The following LRRC9 variants were observed in gnomAD, a reference collection of about 807,000 sequenced individuals.
LRRC9 encodes leucine-rich repeat-containing protein 9.
LRRC9 carries 122 observed loss-of-function variants against 63.2 expected under a neutral mutation model. That is an observed-to-expected ratio of 1.93 (90% CI 1.67 to 2.24). The LOEUF (loss-of-function observed/expected upper bound fraction) is 2.24. Among genes scored for constraint, LRRC9 ranks in the 30% most tolerant of loss-of-function variants. The pLI is 0.00. For synonymous variants in LRRC9, 366 were observed against 213.1 expected, an observed-to-expected ratio of 1.72 and a Z score of -6.25; for missense variants, 1,071 against 627.7, an observed-to-expected ratio of 1.71 and a Z score of -7.55.
intron 23 of LRRC9, among the ~76,000 whole-genome samples, chr14:60,013,755 A>G (rs1890446991): frequency 6.6e-6 from 1 of 151,948 alleles, no homozygotes; most frequent in Non-Finnish European, 1.5e-5. Flanking sequence ...AATGTTTAGG[A>G]TATCTTTTTC....
At chr14:60,045,542 G>A (rs1451370635) in intron 29 of LRRC9, among the ~76,000 whole-genome samples, 1 of 152,114 alleles carries the variant, frequency 6.6e-6, no homozygotes, top group Admixed American at 6.5e-5. Flanking sequence ...TTCTGTTCCT[G>A]TGTTAGTTTT....
chr14:60,002,577 A>G (rs117094751), intron 20 of LRRC9, among the ~76,000 whole-genome samples: 3,352 of 152,274 alleles, frequency 0.022, 59 homozygotes, highest in South Asian at 0.05. Context: ...TAAATTGTCA[A>G]TTACACTTCA....
intron 12 of LRRC9, among the ~76,000 whole-genome samples, chr14:59,967,777 C>T (rs558515612): frequency 6.6e-6 from 1 of 152,066 alleles, no homozygotes; most frequent in South Asian, 2.1e-4. Context: ...TTTTTCACAT[C>T]ATGACACACA....
chr14:59,991,587 C>T lies in LRRC9; in HGVS notation c.2212-6069C>T, dbSNP rs113511253. On this transcript the variant is annotated intron_variant, in intron 17 of 31. Transcript: ENST00000445360. ...CCTAGTCAAAGAAAGGGGTGACAGA[C>T]GGCACCTGGAAAATCGAGTCACTCC... Among the ~76,000 whole-genome samples, 441 of 152,238 alleles carry T rather than the reference C, an allele frequency of 2.9e-3. 5 individuals carry two copies. Among genetic ancestry groups the T allele is most frequent in the African/African-American group, 9.9e-3 (413 of 41,540 alleles).
At chr14:59,967,121 C>G (rs1884944774) in exon 12 of LRRC9, 1 of 645,292 alleles carries the variant, frequency 1.5e-6, no homozygotes, top group Non-Finnish European at 2.9e-6. Context: ...GCTGGAATGC[C>G]TTTTTTATGT....
exon 5 of LRRC9, chr14:59,931,645 A>C: frequency 1.4e-6 from 1 of 699,416 alleles, no homozygotes; most frequent in Non-Finnish European, 2.6e-6. Flanking sequence ...AGAATTTAAA[A>C]GATCTCAACC....
At position 60,060,883 on chromosome 14, in the gene LRRC9, A is replaced by C. The variant is rs1388277266; in HGVS notation, c.4277-2440A>C. 1.3e-5 allele frequency among the ~76,000 whole-genome samples: 2 copies of C among 152,158 alleles called. No homozygotes were observed. The highest frequency in any genetic ancestry group is 4.8e-5 in the African/African-American group (2 of 41,442). Reference sequence around the variant, plus strand: ...CAGAGGAGGTCAAAATAGCAACCCTAATGGGAGTTTGGATGACTTTGAGGG... The same window carrying C: ...CAGAGGAGGTCAAAATAGCAACCCTCATGGGAGTTTGGATGACTTTGAGGG... On this transcript the variant is annotated intron_variant, in intron 31 of 31. Transcript: ENST00000445360. This position sits in a 1 kb window ranked among gnomAD's most constrained non-coding sequence, Gnocchi z 4.0.
chr14:59,988,784 G>A (rs1887750892), intron 17 of LRRC9, among the ~76,000 whole-genome samples: 1 of 151,702 alleles, frequency 6.6e-6, no homozygotes, highest in Non-Finnish European at 1.5e-5. Context: ...TCTTTATTTT[G>A]GTATCTTTCT....
intron 31 of LRRC9, among the ~76,000 whole-genome samples, chr14:60,059,875 G>T (rs994624999): frequency 6.6e-6 from 1 of 152,236 alleles, no homozygotes; most frequent in Non-Finnish European, 1.5e-5. Flanking sequence ...GATCATTGAT[G>T]AAAGTCGCTA....
intron 6 of LRRC9, among the ~76,000 whole-genome samples, chr14:59,937,837 GC>G (rs1249511202): frequency 6.6e-6 from 1 of 152,022 alleles, no homozygotes; most frequent in East Asian, 1.9e-4. Flanking sequence ...AGAAAGTTAG[GC>G]TTTAGTTGAC....
intron 29 of LRRC9, among the ~76,000 whole-genome samples, chr14:60,033,413 TATG>T (rs1240651784): frequency 6.6e-6 from 1 of 152,190 alleles, no homozygotes; most frequent in Non-Finnish European, 1.5e-5. Context: ...CACTACTTAA[TATG>T]ATGTTTTCAG....
In LRRC9 at chr14:60,027,226, A is replaced by T. The variant is rs1213583336; in HGVS notation, c.3704-658A>T. Among the ~76,000 whole-genome samples the T allele has an allele frequency of 6.6e-6, 1 of 152,052 alleles. No individual in the cohort carries two copies. Among genetic ancestry groups the T allele is most frequent in the African/African-American group, 2.4e-5 (1 of 41,440 alleles). ...AAAAGAGATAAAATATTTCCCCTGTAGTATTTTGAGACTCTAATAGAAAAT... is the reference window on the plus strand; with the variant it reads ...AAAAGAGATAAAATATTTCCCCTGTTGTATTTTGAGACTCTAATAGAAAAT... On this transcript the variant is annotated intron_variant, in intron 27 of 31. Transcript: ENST00000445360. This position sits in a 1 kb window ranked among gnomAD's most constrained non-coding sequence, Gnocchi z 4.0.
At chr14:60,022,555 T>G (rs909895082) in intron 26 of LRRC9, among the ~76,000 whole-genome samples, 179 bp from the exon 27 acceptor site, 1 of 151,796 alleles carries the variant, frequency 6.6e-6, no homozygotes, top group African/African-American at 2.4e-5. Context: ...CCATTCTTTT[T>G]AAAGAATAAG....
intron 7 of LRRC9, among the ~76,000 whole-genome samples, chr14:59,939,235 A>C (rs1594826083): frequency 6.6e-6 from 1 of 151,962 alleles, no homozygotes; most frequent in East Asian, 1.9e-4. Flanking sequence ...GATTAGGTAG[A>C]TTTTAATCTA....
At position 59,964,349 on chromosome 14, in the gene LRRC9, G is replaced by C. The variant is rs1040400013; in HGVS notation, c.1212-2240G>C. ...GTACCGCACTGCTCTTGAAGCAAAC[G>C]CAGTACTCCACCACATAAGTGGTTT... On this transcript the variant is annotated intron_variant, in intron 10 of 31. Transcript: ENST00000445360. The surrounding 1 kb of genome is among the most constrained non-coding windows in gnomAD (Gnocchi z 4.4). Among the ~76,000 whole-genome samples the C allele has an allele frequency of 5.3e-5, 8 of 152,160 alleles. No individual in the cohort carries two copies. The highest frequency in any genetic ancestry group is 1.9e-4 in the African/African-American group (8 of 41,432).
chr14:59,975,046 T>C lies in LRRC9; in HGVS notation c.1639+338T>C, dbSNP rs567287930. On this transcript the variant is annotated intron_variant, in intron 13 of 31. Coordinates refer to ENST00000445360, the Ensembl canonical transcript of LRRC9. ...ATATGTGTCACAGCATATATATATA[T>C]ATATATGCTGAACTAAACTATGTGT... Among the ~76,000 whole-genome samples the C allele has an allele frequency of 3.0e-4, 15 of 49,438 alleles. 4 individuals are homozygous for C. In the South Asian group the frequency reaches 7.1e-3, roughly 23 times the overall value. The allele number at this position is 49,438 out of a possible 152,430, so 32.4% of individuals were successfully genotyped here.
rs1192227676 is a variant in LRRC9 at position 59,932,084 on chromosome 14, C to T, written c.543+45C>T. The T allele has an allele frequency of 2.8e-5, 19 of 687,262 alleles. No homozygotes were observed. The South Asian group carries it at 2.9e-4, about 11-fold the overall frequency. The allele number at this position is 687,262 out of a possible 1,614,324, so 42.6% of individuals were successfully genotyped here. On this transcript the variant is annotated intron_variant, in intron 6 of 31. Transcript: ENST00000445360. The surrounding 1 kb of genome is among the most constrained non-coding windows in gnomAD (Gnocchi z 4.7). ...TTAATTTTTATTTATCATCCTGAAT[C>T]ATGAACCATTGTGTTGCAGAAACTG...
chr14:60,057,746 G>T, intron 30 of LRRC9, 132 bp from the exon 31 acceptor site: 1 of 425,672 alleles, frequency 2.3e-6, no homozygotes, highest in African/African-American at 2.0e-5. Context: ...TACCAATTCT[G>T]AGTTTAGGCA....
intron 23 of LRRC9, among the ~76,000 whole-genome samples, chr14:60,013,537 T>C (rs909601243): frequency 3.3e-5 from 5 of 152,194 alleles, no homozygotes; most frequent in African/African-American, 1.2e-4. Flanking sequence ...CAGCAATACC[T>C]ACATCATTGG....
Sources: allele counts gnomAD v4.1 joint callset (sites outside exome capture counted in the v4.1 genomes callset), GRCh38; gene constraint gnomAD v4.1.1; non-coding constraint Gnocchi (gnomAD v3.1); transcripts MANE v1.5; gene names NCBI Gene and HGNC (gene_info 2026-07-23, HGNC 2026-07-21).